Variants in C12orf42 observed in about 807,000 individuals in gnomAD.
C12orf42 encodes uncharacterized protein C12orf42.
Under a neutral mutation model 21.6 loss-of-function variants are expected in C12orf42, and 25 were observed. The observed-to-expected ratio is 1.16, with a 90% CI of 0.84 to 1.62. C12orf42 has a LOEUF of 1.62. C12orf42 is among the 40% of genes most tolerant of loss of function. The pLI, the probability that C12orf42 is intolerant of heterozygous loss-of-function variation, is 0.00. For missense variants in C12orf42, 483 were observed against 459.3 expected (o/e 1.05, Z -0.47); for synonymous variants, 174 against 175.0 (o/e 0.99, Z 0.05).
the C12orf42 span, among the ~76,000 whole-genome samples, chr12:103,188,763 A>G: frequency 6.6e-6 from 1 of 152,318 alleles, no homozygotes; most frequent in Non-Finnish European, 1.5e-5. Flanking sequence ...CCATGATTGT[A>G]AGCTTTCTGA....
chr12:103,395,107 T>C (rs1287267279), intron 3 of C12orf42, among the ~76,000 whole-genome samples: 1 of 152,254 alleles, frequency 6.6e-6, no homozygotes, highest in Non-Finnish European at 1.5e-5. Flanking sequence ...CATGCCCTCA[T>C]GGATCTTACG....
downstream of C12orf42, among the ~76,000 whole-genome samples, chr12:103,300,350 C>T (rs1458031395): frequency 1.3e-5 from 2 of 152,088 alleles, no homozygotes; most frequent in Non-Finnish European, 2.9e-5. Context: ...ATCTCTCAGA[C>T]ATATTTATCT....
rs963997919 is a variant in C12orf42 at position 103,353,225 on chromosome 12, G to C, written c.259+15662C>G. Among the ~76,000 whole-genome samples the C allele has an allele frequency of 2.0e-5, 3 of 151,286 alleles. No homozygotes were observed. The South Asian group carries it at 6.3e-4, about 32-fold the overall frequency. On this transcript the variant is annotated intron_variant, in intron 4 of 5. Transcript: ENST00000548883. ...ACCTTCCACAGGGTTTGGACCAATG[G>C]ACTGATGGCCGTGGTACTCATAGAA... is the stretch of plus-strand genomic sequence containing the variant.
chr12:103,212,037 C>T, the C12orf42 span, among the ~76,000 whole-genome samples: 249 of 152,164 alleles, frequency 1.6e-3, no homozygotes, highest in African/African-American at 5.5e-3. Flanking sequence ...ACAGTTGTAG[C>T]TCTTATAATA....
chr12:103,180,935 T>G, the C12orf42 span, among the ~76,000 whole-genome samples: 1 of 151,878 alleles, frequency 6.6e-6, no homozygotes, highest in African/African-American at 2.4e-5. Flanking sequence ...GCCCACTAAT[T>G]TGCTTTTTAT....
chr12:103,509,187 C>T, the C12orf42 span, among the ~76,000 whole-genome samples: 3 of 152,144 alleles, frequency 2.0e-5, no homozygotes, highest in African/African-American at 7.2e-5. Context: ...CCAGGGTTTC[C>T]TCATACCCCT....
At chr12:103,178,558 G>A in the C12orf42 span, 3 of 152,198 alleles carry the variant, frequency 2.0e-5, no homozygotes, top group Non-Finnish European at 4.4e-5. Context: ...TTGGGTGGTT[G>A]TTGTTTTGAG....
chr12:103,067,114 G>C, the C12orf42 span, among the ~76,000 whole-genome samples: 1 of 152,206 alleles, frequency 6.6e-6, no homozygotes, highest in Admixed American at 6.5e-5. Flanking sequence ...TAATCAGCCA[G>C]CTACCTGATG....
At chr12:103,513,910 A>T in the C12orf42 span, among the ~76,000 whole-genome samples, 1 of 152,224 alleles carries the variant, frequency 6.6e-6, no homozygotes, top group Admixed American at 6.5e-5. Context: ...GGAGAAAAAT[A>T]AAAAGGATAA....
chr12:103,251,322 T>C (rs918645290), intron 10 of C12orf42, among the ~76,000 whole-genome samples: 1 of 152,186 alleles, frequency 6.6e-6, no homozygotes, highest in African/African-American at 2.4e-5. Context: ...TTGACATCTC[T>C]TCCTCATGAT....
At chr12:103,229,050 A>G in the C12orf42 span, among the ~76,000 whole-genome samples, 1 of 152,146 alleles carries the variant, frequency 6.6e-6, no homozygotes, top group African/African-American at 2.4e-5. Context: ...CCTATTATAC[A>G]CAGTGTATAA....
chr12:103,133,947 T>C, the C12orf42 span, among the ~76,000 whole-genome samples: 1 of 152,198 alleles, frequency 6.6e-6, no homozygotes, highest in Non-Finnish European at 1.5e-5. Context: ...TGATTGTACA[T>C]CTCCTGAGGT....
At chr12:103,353,863 C>T (rs893804859) in intron 4 of C12orf42, among the ~76,000 whole-genome samples, 3 of 152,138 alleles carry the variant, frequency 2.0e-5, no homozygotes, top group Non-Finnish European at 2.9e-5. Flanking sequence ...GTCCTGTCGG[C>T]ATCTGAAAGG....
At chr12:103,441,336 G>A (rs1480549662) in intron 2 of C12orf42, 1 of 152,126 alleles carries the variant, frequency 6.6e-6, no homozygotes, top group East Asian at 1.9e-4. Context: ...TTGCAAAAAT[G>A]GTTGAAATAT....
At chr12:103,499,113 T>C (rs1034283133), upstream of C12orf42, among the ~76,000 whole-genome samples, 5 of 149,878 alleles carry the variant, frequency 3.3e-5, no homozygotes, top group Non-Finnish European at 7.4e-5. Flanking sequence ...GGATGGGGAG[T>C]AAGGGAAATG....
At chr12:103,255,021 A>T (rs776637735) in intron 10 of C12orf42, among the ~76,000 whole-genome samples, 6 of 152,140 alleles carry the variant, frequency 3.9e-5, no homozygotes, top group Non-Finnish European at 1.5e-5. Flanking sequence ...TATATTCATT[A>T]TATCAACTTT....
At chr12:103,372,539 C>G (rs371605676) in intron 3 of C12orf42, among the ~76,000 whole-genome samples, 15 of 152,240 alleles carry the variant, frequency 9.9e-5, no homozygotes, top group African/African-American at 3.1e-4. Flanking sequence ...TATGAAGATT[C>G]TCTGGCCTCA....
At chr12:103,444,757 G>A (rs1951473727) in intron 2 of C12orf42, among the ~76,000 whole-genome samples, 2 of 151,920 alleles carry the variant, frequency 1.3e-5, no homozygotes, top group Non-Finnish European at 2.9e-5. Flanking sequence ...AGTTTTTGAT[G>A]TATACATCAA....
chr12:103,267,026 C>G (rs565382207), downstream of C12orf42, among the ~76,000 whole-genome samples: 1 of 152,214 alleles, frequency 6.6e-6, no homozygotes, highest in East Asian at 1.9e-4. Flanking sequence ...AACAAGCACA[C>G]AGGGAGCAAA....
Sources: allele counts gnomAD v4.1 joint callset (sites outside exome capture counted in the v4.1 genomes callset), GRCh38; gene constraint gnomAD v4.1.1; transcripts MANE v1.5; gene names NCBI Gene and HGNC (gene_info 2026-07-23, HGNC 2026-07-21).